DCST2: variants seen among roughly 807,000 people sequenced by gnomAD.
DCST2 encodes the protein DC-STAMP domain containing 2, also known as DC-STAMP domain-containing protein 2.
Under a neutral mutation model 81.8 loss-of-function variants are expected in DCST2, and 64 were observed. The ratio of observed to expected loss-of-function variants is 0.78; its 90% CI spans 0.64 to 0.96. DCST2 has a LOEUF of 0.96. DCST2 is among the 40% of genes least tolerant of loss of function. The pLI, the probability that DCST2 is intolerant of heterozygous loss-of-function variation, is 0.00. For synonymous variants in DCST2, 354 were observed against 402.6 expected (o/e 0.88, Z 1.44); for missense variants, 945 against 1,001.4 (o/e 0.94, Z 0.76).
intron 11 of DCST2, among the ~76,000 whole-genome samples, chr1:155,024,186 C>T (rs1346954200): frequency 2.0e-5 from 3 of 152,138 alleles, no homozygotes; most frequent in Admixed American, 1.3e-4. Context: ...CATTAGGAGA[C>T]ATACCTAATG....
rs200307131 is a variant in DCST2 at position 155,031,630 on chromosome 1, T to C, written c.683A>G (p.Tyr228Cys). ...GGGCATGAGCACGTAACACAGGTGG[T>C]AGGCTTGTGGTATGACCATCATGCA... Reference protein sequence around the residue: ...DSCMMVIPQAYHLCYVLMPFK... With the variant: ...DSCMMVIPQACHLCYVLMPFK... Residue 228 changes from tyrosine (Y) to cysteine (C), a missense_variant, in exon 4 of 15, where the codon TAC (tyrosine) becomes TGC (cysteine). Coordinates refer to ENST00000368424, the MANE Select transcript of DCST2 (RefSeq NM_144622.3). 6.2e-7 allele frequency: 1 copy of C among 1,601,708 alleles called. No homozygotes were observed. The highest frequency in any genetic ancestry group is 1.7e-5 in the Admixed American group (1 of 59,114).
chr1:155,026,877 C>T, intron 8 of DCST2, 162 bp from the exon 9 acceptor site: 1 of 797,230 alleles, frequency 1.3e-6, no homozygotes. Flanking sequence ...TGCCCTGGGG[C>T]CTGACCTCAG....
intron 14 of DCST2, among the ~76,000 whole-genome samples, chr1:155,022,070 T>C (rs938266256): frequency 1.3e-5 from 2 of 152,138 alleles, no homozygotes; most frequent in African/African-American, 4.8e-5. Context: ...TTTCGCCATG[T>C]TGGCCAGGCT....
intron 6 of DCST2, 42 bp from the exon 7 acceptor site, chr1:155,030,283 C>T: frequency 1.9e-6 from 3 of 1,612,542 alleles, no homozygotes; most frequent in Non-Finnish European, 2.5e-6. Flanking sequence ...CCCTTAGGAC[C>T]CCAGGCCAGA....
chr1:155,031,111 G>A (rs1027250927), intron 5 of DCST2, 58 bp downstream of exon 5: 19 of 1,542,516 alleles, frequency 1.2e-5, no homozygotes, highest in South Asian at 9.7e-5. Context: ...TGGCCACACC[G>A]GGATGAGGGA....
chr1:155,026,722 C>T lies in DCST2; in HGVS notation c.1343-7G>A. 1 of 1,614,092 alleles carries T rather than the reference C, an allele frequency of 6.2e-7. No homozygotes were observed. Among genetic ancestry groups the T allele is most frequent in the African/African-American group, 1.3e-5 (1 of 75,074 alleles). On this transcript the variant is annotated splice_polypyrimidine_tract_variant and splice_region_variant and intron_variant, in intron 8 of 14. Coordinates refer to ENST00000368424, the MANE Select transcript of DCST2 (RefSeq NM_144622.3). ...AGAGACACCAACACAGGACCTGGCA[C>T]AAAGACACTGTGTGAGTGACACTCA...
chr1:155,032,783 A>G lies in DCST2; in HGVS notation c.440-15T>C. On this transcript the variant is annotated splice_polypyrimidine_tract_variant and intron_variant, in intron 2 of 14. Transcript: ENST00000368424. The stretch of plus-strand genomic sequence containing the variant: ...GTTCAGGGCACCTGATGGGTGAGGG[A>G]CAGAGGCACTTTGGAGTCTTCTCCT... The G allele has an allele frequency of 6.2e-7, 1 of 1,611,524 alleles. No homozygotes were observed. The highest frequency in any genetic ancestry group is 8.5e-7 in the Non-Finnish European group (1 of 1,177,624).
At chr1:155,031,515 T>TTGGCCCC in intron 4 of DCST2, 59 bp downstream of exon 4, 2 of 643,126 alleles carry the variant, frequency 3.1e-6, no homozygotes, top group Non-Finnish European at 5.8e-6. Context: ...ACCCCCACAT[T>TTGGCCCC]CCCACCCCAC....
intron 12 of DCST2, 135 bp from the exon 13 acceptor site, chr1:155,023,592 G>T: frequency 6.5e-7 from 1 of 1,546,408 alleles, no homozygotes; most frequent in Non-Finnish European, 8.7e-7. Flanking sequence ...ACACTAGGGA[G>T]CTGCTGCAAT....
chr1:155,033,668 A>G lies in DCST2; in HGVS notation c.34T>C (p.Leu12=). The G allele has an allele frequency of 1.2e-6, 2 of 1,614,112 alleles. No homozygotes were observed. Among genetic ancestry groups the G allele is most frequent in the Middle Eastern group, 1.6e-4 (1 of 6,062 alleles). The change falls in exon 1 of 15, where the codon TTG becomes CTG. Residue 12 remains leucine (L), a synonymous_variant. Transcript: ENST00000368424. ...PKVMKDVVHP[L]GGEEPSMARA... is the part of the protein sequence containing the mutation. Reference sequence around the variant, plus strand: ...GCCATGCTAGGCTCCTCTCCCCCCAAGGGGTGCACAACATCCTTCATGACT... The same window carrying G: ...GCCATGCTAGGCTCCTCTCCCCCCAGGGGGTGCACAACATCCTTCATGACT...
chr1:155,032,169 AT>A (rs1660111327), intron 3 of DCST2, among the ~76,000 whole-genome samples: 1 of 151,854 alleles, frequency 6.6e-6, no homozygotes, highest in South Asian at 2.1e-4. Context: ...AACTTTTTGT[AT>A]TTTTAGTAGA....
intron 14 of DCST2, among the ~76,000 whole-genome samples, chr1:155,021,562 A>G (rs1217744587): frequency 3.1e-5 from 2 of 63,608 alleles, no homozygotes; most frequent in East Asian, 2.3e-3. Flanking sequence ...TACAGTCTCT[A>G]ACTTAACCCC....
At position 155,023,236 on chromosome 1, in the gene DCST2, G is replaced by C. The variant is rs1010181393; in HGVS notation, c.1986C>G (p.Gly662=). 6.2e-7 allele frequency: 1 copy of C among 1,614,030 alleles called. No individual in the cohort carries two copies. The highest frequency in any genetic ancestry group is 1.3e-5 in the African/African-American group (1 of 74,928). Residue 662 remains glycine, a synonymous_variant, in exon 14 of 15, where the codon GGC becomes GGG. Transcript: ENST00000368424. ...GAGCTGCAGCCAGCCATAGCTGAGG[G>C]CCCTCCTCATCGCTGGAGTCCCTGG... ...DLELDSSDEE[G]PQLWLAAAQR... is the part of the protein sequence containing the mutation.
chr1:155,023,291 C>T (rs1358614575), intron 13 of DCST2, 34 bp from the exon 14 acceptor site: 1 of 1,613,794 alleles, frequency 6.2e-7, no homozygotes. Context: ...GGCCTGCAGA[C>T]ATCCTGGGAG....
At chr1:155,032,985 G>T in intron 2 of DCST2, 109 bp downstream of exon 2, 1 of 1,282,112 alleles carries the variant, frequency 7.8e-7, no homozygotes, top group Non-Finnish European at 1.1e-6. Context: ...AGGCCCAGAT[G>T]CTCCGCGATT....
intron 7 of DCST2, 28 bp downstream of exon 7, chr1:155,030,056 G>C (rs760533951): frequency 6.8e-6 from 11 of 1,610,660 alleles, no homozygotes; most frequent in Non-Finnish European, 8.5e-6. Flanking sequence ...TCCCTGGCTT[G>C]GGCTCTCCCT....
rs373443674 is a variant in DCST2 at position 155,018,725 on chromosome 1, T to C, written c.2141A>G (p.Lys714Arg). The change falls in exon 15 of 15, where the codon AAG (lysine) becomes AGG (arginine). Residue 714 changes from lysine (K) to arginine (R), a missense_variant. Coordinates refer to ENST00000368424, the MANE Select transcript of DCST2 (RefSeq NM_144622.3). ...LDEEKGPQQR[K>R]HGQQPLPEAH... ...TTCAGGTAAGGGCTGCTGCCCGTGCTTCCTCTGCTGAGGCCCCTTCTCCTC... is the reference window on the plus strand; with the variant it reads ...TTCAGGTAAGGGCTGCTGCCCGTGCCTCCTCTGCTGAGGCCCCTTCTCCTC... The C allele has an allele frequency of 6.2e-5, 100 of 1,613,594 alleles. No individual in the cohort carries two copies. Among genetic ancestry groups the C allele is most frequent in the Non-Finnish European group, 7.4e-5 (87 of 1,179,946 alleles).
chr1:155,029,231 A>G lies in DCST2; in HGVS notation c.1342+2T>C. ...GGAGGAGGCTGTCACGTAGGCACTCACTGCGGGCCACAATCTCCCCCTGCA... is the reference window on the plus strand; with the variant it reads ...GGAGGAGGCTGTCACGTAGGCACTCGCTGCGGGCCACAATCTCCCCCTGCA... On this transcript the variant is annotated splice_donor_variant, in intron 8 of 14. Transcript: ENST00000368424. LOFTEE classifies it high-confidence loss of function. 6.2e-7 allele frequency: 1 copy of G among 1,612,978 alleles called. No homozygotes were observed. Among genetic ancestry groups the G allele is most frequent in the Non-Finnish European group, 8.5e-7 (1 of 1,179,704 alleles).
At position 155,024,617 on chromosome 1, in the gene DCST2, T is replaced by C; in HGVS notation, c.1612-15A>G. 6.3e-7 allele frequency: 1 copy of C among 1,587,192 alleles called. No individual in the cohort carries two copies. Among genetic ancestry groups the C allele is most frequent in the Non-Finnish European group, 8.6e-7 (1 of 1,166,572 alleles). ...GAGATCCTCTCCTGGTGCGGGGAGATCAGGGATGGGGTCCCACTTGACCCT... is the reference window on the plus strand; with the variant it reads ...GAGATCCTCTCCTGGTGCGGGGAGACCAGGGATGGGGTCCCACTTGACCCT... On this transcript the variant is annotated splice_polypyrimidine_tract_variant and intron_variant, in intron 10 of 14. Coordinates refer to ENST00000368424, the MANE Select transcript of DCST2 (RefSeq NM_144622.3).
Sources: allele counts gnomAD v4.1 joint callset (sites outside exome capture counted in the v4.1 genomes callset), GRCh38; gene constraint gnomAD v4.1.1; transcripts MANE v1.5; gene names NCBI Gene and HGNC (gene_info 2026-07-23, HGNC 2026-07-21).